Variants in PCDH15 observed in about 807,000 individuals in gnomAD.
PCDH15 encodes the protein protocadherin-15.
A neutral mutation model predicts 178.5 loss-of-function variants in PCDH15; 129 were observed. That is an observed-to-expected ratio of 0.72 (90% CI 0.63 to 0.84). The LOEUF (loss-of-function observed/expected upper bound fraction) is 0.84. Among genes scored for constraint, PCDH15 ranks in the 40% least tolerant of loss-of-function variants. The pLI is 0.00. For synonymous variants in PCDH15, 800 were observed against 732.0 expected (o/e 1.09, Z -1.50); for missense variants, 2,230 against 2,099.9 (o/e 1.06, Z -1.21).
intron 8 of PCDH15, among the ~76,000 whole-genome samples, chr10:54,307,098 GTGTGTGTATATATATATATATA>G (rs1564922732): frequency 2.4e-3 from 32 of 13,498 alleles, no homozygotes; most frequent in Non-Finnish European, 3.0e-3. Context: ...ATATATGTGT[GTGTGTGTATATATATATATATA>G]TATATATATA....
At chr10:55,479,084 T>G (rs188869999) in intron 2 of PCDH15, among the ~76,000 whole-genome samples, 155 of 151,390 alleles carry the variant, frequency 1.0e-3, no homozygotes, top group Admixed American at 3.2e-3. Flanking sequence ...AAATACCAAT[T>G]ATTCTAAAAC....
intron 26 of PCDH15, among the ~76,000 whole-genome samples, chr10:53,888,827 AT>A (rs1243368958): frequency 6.7e-6 from 1 of 149,976 alleles, no homozygotes; most frequent in African/African-American, 2.4e-5. Context: ...ACTATCAGAT[AT>A]TATAAAACTA....
chr10:55,440,958 T>C (rs941224738), intron 2 of PCDH15, among the ~76,000 whole-genome samples: 1 of 152,102 alleles, frequency 6.6e-6, no homozygotes, highest in Non-Finnish European at 1.5e-5. Flanking sequence ...ATGAGAACAG[T>C]ATAGGGCAAC....
chr10:54,297,031 G>C (rs367869090), intron 8 of PCDH15, among the ~76,000 whole-genome samples: 14 of 152,046 alleles, frequency 9.2e-5, no homozygotes, highest in East Asian at 7.7e-4. Flanking sequence ...TGCTGTGTTG[G>C]TGAGCGCAAC....
At chr10:54,565,167 G>A (rs1158817359) in intron 2 of PCDH15, among the ~76,000 whole-genome samples, 1 of 152,124 alleles carries the variant, frequency 6.6e-6, no homozygotes, top group Non-Finnish European at 1.5e-5. Context: ...TTCCTACAAG[G>A]AGAAAATGTA....
chr10:54,790,754 T>C (rs575870183), intron 1 of PCDH15, among the ~76,000 whole-genome samples: 227 of 151,844 alleles, frequency 1.5e-3, no homozygotes, highest in Non-Finnish European at 1.5e-3. Context: ...TTAATGTGAA[T>C]GGAGAAGCAG....
intron 5 of PCDH15, among the ~76,000 whole-genome samples, chr10:54,361,331 G>T (rs1467335153): frequency 6.6e-6 from 1 of 152,046 alleles, no homozygotes; most frequent in Admixed American, 6.6e-5. Flanking sequence ...ATGCTTCATG[G>T]TGAAAATAGG....
In PCDH15 at chr10:53,903,223, A is replaced by C. The variant is rs762512156; in HGVS notation, c.3501+20T>G. On this transcript the variant is annotated intron_variant, in intron 26 of 37. Transcript: ENST00000644397. Reference sequence around the variant, plus strand: ...CTGAGCTTTTACTTTAGTTCTGTATATTAACATAATTCCGCATACCTTCAC... The same window carrying C: ...CTGAGCTTTTACTTTAGTTCTGTATCTTAACATAATTCCGCATACCTTCAC... The C allele has an allele frequency of 3.1e-6, 5 of 1,611,532 alleles. No individual in the cohort carries two copies. The highest frequency in any genetic ancestry group is 4.2e-6 in the Non-Finnish European group (5 of 1,178,798).
chr10:54,798,943 CTCA>C (rs1384463481), intron 1 of PCDH15, among the ~76,000 whole-genome samples: 1 of 152,046 alleles, frequency 6.6e-6, no homozygotes, highest in Admixed American at 6.6e-5. Context: ...GGGGAGTACA[CTCA>C]TCTACCCAAT....
chr10:54,889,745 G>A (rs1380999524), intron 3 of PCDH15, among the ~76,000 whole-genome samples: 1 of 151,100 alleles, frequency 6.6e-6, no homozygotes, highest in African/African-American at 2.4e-5. Context: ...GGGACAACAA[G>A]GTTTTTAATA....
chr10:54,135,632 CTGT>C (rs2042843024), intron 14 of PCDH15, among the ~76,000 whole-genome samples: 2 of 152,162 alleles, frequency 1.3e-5, no homozygotes, highest in Admixed American at 6.5e-5. Context: ...CTTTTAGGGT[CTGT>C]TGTTGATCAA....
chr10:55,069,942 G>T (rs1841682123), intron 2 of PCDH15, among the ~76,000 whole-genome samples: 1 of 152,120 alleles, frequency 6.6e-6, no homozygotes, highest in Non-Finnish European at 1.5e-5. Flanking sequence ...AGCACCTGTT[G>T]TTTCCTGACT....
rs539674474 is a variant in PCDH15, at chr10:54,543,963, T to A, written c.92-16086A>T. 1.4e-4 allele frequency among the ~76,000 whole-genome samples: 21 copies of A among 151,978 alleles called. No homozygotes were observed. The East Asian group carries it at 3.9e-3, about 28-fold the overall frequency. On this transcript the variant is annotated intron_variant, in intron 2 of 37. Coordinates refer to ENST00000644397, the MANE Select transcript of PCDH15 (RefSeq NM_001384140.1). ...CAACCTTCTCTTTGTTCTTCAGACA[T>A]ACCGAAGAACACCTGACCCGTGTGT...
chr10:53,893,926 T>G (rs1353234807), intron 26 of PCDH15, among the ~76,000 whole-genome samples: 1 of 152,160 alleles, frequency 6.6e-6, no homozygotes, highest in Non-Finnish European at 1.5e-5. Flanking sequence ...AAACCACTTG[T>G]TCTCCCCAAA....
At chr10:54,152,389 T>A (rs1003898141) in intron 14 of PCDH15, among the ~76,000 whole-genome samples, 1 of 152,004 alleles carries the variant, frequency 6.6e-6, no homozygotes, top group Admixed American at 6.6e-5. Context: ...TATTAAGGAA[T>A]ATGTTTATCA....
chr10:54,121,509 A>T (rs1019646324), intron 15 of PCDH15, among the ~76,000 whole-genome samples: 8 of 152,148 alleles, frequency 5.3e-5, no homozygotes, highest in African/African-American at 1.9e-4. Context: ...ATAGTTTCAT[A>T]GTTGGTTCTT....
chr10:55,539,429 T>C (rs1288603417), intron 2 of PCDH15, among the ~76,000 whole-genome samples: 1 of 152,040 alleles, frequency 6.6e-6, no homozygotes, highest in Non-Finnish European at 1.5e-5. Context: ...CATATTTTAG[T>C]TCAAAATATA....
intron 3 of PCDH15, among the ~76,000 whole-genome samples, chr10:54,856,468 G>A (rs951233994): frequency 1.3e-5 from 2 of 152,148 alleles, no homozygotes; most frequent in African/African-American, 4.8e-5. Context: ...ATATCCCAGA[G>A]ATTGAAACCA....
intron 2 of PCDH15, among the ~76,000 whole-genome samples, chr10:55,527,579 G>T (rs1367213778): frequency 6.6e-6 from 1 of 151,866 alleles, no homozygotes; most frequent in East Asian, 1.9e-4. Flanking sequence ...ATATAATATT[G>T]TAAGGGACTC....
Sources: allele counts gnomAD v4.1 joint callset (sites outside exome capture counted in the v4.1 genomes callset), GRCh38; gene constraint gnomAD v4.1.1; transcripts MANE v1.5; gene names NCBI Gene and HGNC (gene_info 2026-07-23, HGNC 2026-07-21).